The following MAP3K4 variants were observed in gnomAD, a reference collection of about 807,000 sequenced individuals.
MAP3K4 encodes the protein mitogen-activated protein kinase kinase kinase 4.
Under a neutral mutation model 185.6 loss-of-function variants are expected in MAP3K4, and 67 were observed. The ratio of observed to expected loss-of-function variants is 0.36; its 90% CI spans 0.30 to 0.44. The LOEUF is 0.44. Ranked by LOEUF, MAP3K4 falls within the 20% of genes least tolerant of loss-of-function variation. The pLI is 1.00. For missense variants in MAP3K4, 1,551 were observed against 1,995.1 expected, an observed-to-expected ratio of 0.78 and a Z score of 4.24; for synonymous variants, 702 against 710.4, an observed-to-expected ratio of 0.99 and a Z score of 0.19.
Position 161,112,101 on chromosome 6 carries a change from C to T in MAP3K4, c.4519+143C>T. Reference sequence around the variant, plus strand: ...TCGTGAGAAGGACCACTTCCTCACACACTTGGGCTCCCACGCAAGAGCAGC... The same window carrying T: ...TCGTGAGAAGGACCACTTCCTCACATACTTGGGCTCCCACGCAAGAGCAGC... On this transcript the variant is annotated intron_variant, in intron 24 of 26. Coordinates refer to ENST00000392142, the MANE Select transcript of MAP3K4 (RefSeq NM_005922.4). The surrounding 1 kb of genome is among the most constrained non-coding windows in gnomAD (Gnocchi z 5.1). The T allele has an allele frequency of 9.6e-7, 1 of 1,046,104 alleles. No individual in the cohort carries two copies. The highest frequency in any genetic ancestry group is 1.3e-6 in the Non-Finnish European group (1 of 742,224). 64.8% of individuals were successfully genotyped at this position (1,046,104 alleles called of 1,614,324 possible).
At chr6:161,066,047 T>C (rs1381191751) in intron 3 of MAP3K4, among the ~76,000 whole-genome samples, 3 of 152,190 alleles carry the variant, frequency 2.0e-5, no homozygotes, top group African/African-American at 7.2e-5. Context: ...TTTCAGATTT[T>C]GGGTTTTTGG....
rs973562902 is a variant in MAP3K4 at position 161,115,513 on chromosome 6, A to T, written c.4806+211A>T. ...TCCACTTGATCTGTTTTGATGGTGC[A>T]TTTAAGATACACCAGAGACAGTAAA... On this transcript the variant is annotated intron_variant, in intron 26 of 26. Transcript: ENST00000392142. This position sits in a 1 kb window ranked among gnomAD's most constrained non-coding sequence, Gnocchi z 6.0. 3.3e-5 allele frequency among the ~76,000 whole-genome samples: 5 copies of T among 152,202 alleles called. No homozygotes were observed. The highest frequency in any genetic ancestry group is 1.2e-4 in the African/African-American group (5 of 41,448).
Position 161,070,651 on chromosome 6 carries a change from A to G in MAP3K4, c.1751A>G (p.Gln584Arg), listed in dbSNP as rs1244633926. Residue 584 changes from glutamine (Q) to arginine (R), a missense_variant, in exon 4 of 27, where the codon CAG becomes CGG. Gln to Arg is a conservative substitution (Grantham distance 43, BLOSUM62 1). Coordinates refer to ENST00000392142, the MANE Select transcript of MAP3K4 (RefSeq NM_005922.4). The surrounding 1 kb of genome is among the most constrained non-coding windows in gnomAD (Gnocchi z 4.5). ...PDPMWGSDYV[Q>R]LSRTPPSSEE... ...CCCATGTGGGGTTCAGATTATGTGCAGTTGTCAAGGACACCACCTTCATCT... is the reference window on the plus strand; with the variant it reads ...CCCATGTGGGGTTCAGATTATGTGCGGTTGTCAAGGACACCACCTTCATCT... 3 of 1,613,962 alleles carry G rather than the reference A, an allele frequency of 1.9e-6. No homozygotes were observed.
chr6:160,998,776 C>T (rs1206327614), intron 1 of MAP3K4, among the ~76,000 whole-genome samples: 3 of 152,156 alleles, frequency 2.0e-5, no homozygotes, highest in African/African-American at 7.2e-5. Context: ...CCATTTTAAG[C>T]GGTGTACTTG....
Position 161,093,009 on chromosome 6 carries a change from G to A in MAP3K4, c.3301G>A (p.Ala1101Thr). 1 of 1,613,594 alleles carries A rather than the reference G, an allele frequency of 6.2e-7. No homozygotes were observed. The highest frequency in any genetic ancestry group is 8.5e-7 in the Non-Finnish European group (1 of 1,179,700). Residue 1101 changes from alanine to threonine, a missense_variant, in exon 14 of 27, where the codon GCA becomes ACA. Ala to Thr is a moderately conservative substitution (Grantham distance 58, BLOSUM62 0). This residue lies in a region of MAP3K4 where 272 missense variants were observed against 301.2 expected (regional missense o/e 0.90). Coordinates refer to ENST00000392142, the MANE Select transcript of MAP3K4 (RefSeq NM_005922.4). This position sits in a 1 kb window ranked among gnomAD's most constrained non-coding sequence, Gnocchi z 5.2. ...WATQGFDFLQAIEPAFISALP... is the reference protein window; with the variant it reads ...WATQGFDFLQTIEPAFISALP... Reference sequence around the variant, plus strand: ...GACTCAAGGATTTGATTTTCTACAAGCAATTGAACCTGCCTTTATTTCAGC... The same window carrying A: ...GACTCAAGGATTTGATTTTCTACAAACAATTGAACCTGCCTTTATTTCAGC...
rs947637673 is a variant in MAP3K4 at position 161,110,807 on chromosome 6, C to T, written c.4396+893C>T. 2.0e-5 allele frequency among the ~76,000 whole-genome samples: 3 copies of T among 152,218 alleles called. No individual in the cohort carries two copies. Among genetic ancestry groups the T allele is most frequent in the African/African-American group, 7.2e-5 (3 of 41,454 alleles). On this transcript the variant is annotated intron_variant, in intron 23 of 26. Coordinates refer to ENST00000392142, the MANE Select transcript of MAP3K4 (RefSeq NM_005922.4). This position sits in a 1 kb window ranked among gnomAD's most constrained non-coding sequence, Gnocchi z 4.8. ...GGCTGCCTGCCTGTCCGCTACCTTGCTTTGGTGTCTGGGGTCATCCTGATG... is the reference window on the plus strand; with the variant it reads ...GGCTGCCTGCCTGTCCGCTACCTTGTTTTGGTGTCTGGGGTCATCCTGATG...
Position 160,991,965 on chromosome 6 carries a change from C to G in MAP3K4, c.34C>G (p.Pro12Ala), listed in dbSNP as rs987696007. The change falls in exon 1 of 27, where the codon CCC (proline) becomes GCC (alanine). Residue 12 changes from proline (P) to alanine (A), a missense_variant. By Grantham distance (27) the Pro-to-Ala change is conservative. Transcript: ENST00000392142. The surrounding 1 kb of genome is among the most constrained non-coding windows in gnomAD (Gnocchi z 5.7). Reference protein sequence around the residue: ...REAAAALVPPPAFAVTPAAAM... With the variant: ...REAAAALVPPAAFAVTPAAAM... The stretch of plus-strand genomic sequence containing the variant: ...AGCCGCTGCCGCGCTGGTCCCTCCT[C>G]CCGCCTTTGCCGTCACGCCTGCCGC... 1.9e-6 allele frequency: 3 copies of G among 1,546,650 alleles called. No individual in the cohort carries two copies. The African/African-American group carries it at 4.2e-5, about 22-fold the overall frequency.
Position 161,111,861 on chromosome 6 carries a change from T to C in MAP3K4, c.4422T>C (p.Ser1474=), listed in dbSNP as rs779120618. ...IKGANIFLTS[S]GLIKLGDFGC... Reference sequence around the variant, plus strand: ...GTGCCAATATCTTCCTTACCTCATCTGGATTAATCAAACTGGGAGATTTTG... The same window carrying C: ...GTGCCAATATCTTCCTTACCTCATCCGGATTAATCAAACTGGGAGATTTTG... Residue 1474 remains serine (S), a synonymous_variant, in exon 24 of 27, where the codon TCT becomes TCC. Transcript: ENST00000392142. 1 of 1,613,682 alleles carries C rather than the reference T, an allele frequency of 6.2e-7. No homozygotes were observed. Among genetic ancestry groups the C allele is most frequent in the Non-Finnish European group, 8.5e-7 (1 of 1,179,814 alleles).
intron 5 of MAP3K4, among the ~76,000 whole-genome samples, chr6:161,079,462 A>G (rs1260089655): frequency 1.3e-5 from 2 of 152,010 alleles, no homozygotes; most frequent in African/African-American, 4.8e-5. Context: ...CTGTAATCCC[A>G]GCTACTCAGG....
In MAP3K4 at chr6:161,112,806, C is replaced by T. The variant is rs1274170897; in HGVS notation, c.4626+32C>T. 6.8e-7 allele frequency: 1 copy of T among 1,459,916 alleles called. No individual in the cohort carries two copies. Among genetic ancestry groups the T allele is most frequent in the Non-Finnish European group, 9.3e-7 (1 of 1,079,570 alleles). 90.4% of individuals were successfully genotyped at this position (1,459,916 alleles called of 1,614,324 possible). On this transcript the variant is annotated intron_variant, in intron 25 of 26. Transcript: ENST00000392142. The surrounding 1 kb of genome is among the most constrained non-coding windows in gnomAD (Gnocchi z 5.1). ...GGAGCCCCCACACCTGGCGGAGCAA[C>T]TTCAGAAGGGCACTGTGCATTAACA...
Position 161,049,168 on chromosome 6 carries a change from T to C in MAP3K4, c.896T>C (p.Leu299Pro). The part of the protein sequence containing the change: ...QAIPDIINEI[L>P]TFKVDYGSFA... Reference sequence around the variant, plus strand: ...ATCCCAGATATTATTAATGAAATCCTTACTTTCAAAGTCGACTATGGGAGC... The same window carrying C: ...ATCCCAGATATTATTAATGAAATCCCTACTTTCAAAGTCGACTATGGGAGC... The change falls in exon 3 of 27, where the codon CTT (leucine) becomes CCT (proline). Residue 299 changes from leucine to proline, a missense_variant. Coordinates refer to ENST00000392142, the MANE Select transcript of MAP3K4 (RefSeq NM_005922.4). This position sits in a 1 kb window ranked among gnomAD's most constrained non-coding sequence, Gnocchi z 8.4. 6.2e-7 allele frequency: 1 copy of C among 1,614,104 alleles called. No individual in the cohort carries two copies. Among genetic ancestry groups the C allele is most frequent in the Non-Finnish European group, 8.5e-7 (1 of 1,179,972 alleles).
At chr6:161,059,572 C>T (rs1289760014) in intron 3 of MAP3K4, among the ~76,000 whole-genome samples, 1 of 152,100 alleles carries the variant, frequency 6.6e-6, no homozygotes, top group East Asian at 1.9e-4. Flanking sequence ...TCTGTTGGAA[C>T]TATTTATGAA....
intron 3 of MAP3K4, among the ~76,000 whole-genome samples, chr6:161,055,433 A>C (rs1167866931): frequency 6.6e-6 from 1 of 152,210 alleles, no homozygotes. Context: ...TTGATAGAAA[A>C]TTTGCAAAGA....
rs1265660733 is a variant in MAP3K4 at position 161,114,420 on chromosome 6, C to G, written c.4627-703C>G. Among the ~76,000 whole-genome samples, 1 of 152,184 alleles carries G rather than the reference C, an allele frequency of 6.6e-6. No homozygotes were observed. Among genetic ancestry groups the G allele is most frequent in the African/African-American group, 2.4e-5 (1 of 41,448 alleles). ...TCAGTTAATTATAATGTAGCTATGC[C>G]TTGCAGCTGCTGAAACAGATCACAT... On this transcript the variant is annotated intron_variant, in intron 25 of 26. Coordinates refer to ENST00000392142, the MANE Select transcript of MAP3K4 (RefSeq NM_005922.4). The surrounding 1 kb of genome is among the most constrained non-coding windows in gnomAD (Gnocchi z 4.3).
At chr6:161,047,250 A>AG (rs2114756116) in intron 2 of MAP3K4, among the ~76,000 whole-genome samples, 1 of 144,604 alleles carries the variant, frequency 6.9e-6, no homozygotes, top group South Asian at 2.3e-4. Context: ...GGACCAGCTT[A>AG]GGAAACATAG....
chr6:161,033,760 C>G (rs1257131560), intron 1 of MAP3K4, among the ~76,000 whole-genome samples: 2 of 152,108 alleles, frequency 1.3e-5, no homozygotes, highest in African/African-American at 4.8e-5. Flanking sequence ...TGGATCATAG[C>G]AAAGTGCTCC....
chr6:161,048,538 C>A lies in MAP3K4; in HGVS notation c.344-78C>A. On this transcript the variant is annotated intron_variant, in intron 2 of 26. Transcript: ENST00000392142. This position sits in a 1 kb window ranked among gnomAD's most constrained non-coding sequence, Gnocchi z 4.7. ...CTGAAAATATAAATATGTGTGAATACCAGTTTTATTGAAAATATTGAGAGT... is the reference window on the plus strand; with the variant it reads ...CTGAAAATATAAATATGTGTGAATAACAGTTTTATTGAAAATATTGAGAGT... 2 of 899,242 alleles carry A rather than the reference C, an allele frequency of 2.2e-6. No individual in the cohort carries two copies. The highest frequency in any genetic ancestry group is 3.3e-6 in the Non-Finnish European group (2 of 608,912). 55.7% of individuals were successfully genotyped at this position (899,242 alleles called of 1,614,324 possible). A position where few individuals can be genotyped will look rare whatever the true frequency, so the allele number is the denominator to read the frequency against.
chr6:161,037,513 G>T lies in MAP3K4; in HGVS notation c.343+3064G>T, dbSNP rs1783225440. Among the ~76,000 whole-genome samples the T allele has an allele frequency of 6.6e-6, 1 of 152,050 alleles. No individual in the cohort carries two copies. The highest frequency in any genetic ancestry group is 2.4e-5 in the African/African-American group (1 of 41,398). On this transcript the variant is annotated intron_variant, in intron 2 of 26. Transcript: ENST00000392142. The surrounding 1 kb of genome is among the most constrained non-coding windows in gnomAD (Gnocchi z 4.2). ...AGCTCACTGCAACCTCCGCCTCCTG[G>T]GTTCAAGCAATTCTCCTGCCTCACC...
Position 161,027,179 on chromosome 6 carries a change from A to G in MAP3K4, c.153-7080A>G, listed in dbSNP as rs538576689. ...TGTTCACAGCATCATGAATGCGGAT[A>G]GCTAATAGTCTACTCTAGAATACAG... On this transcript the variant is annotated intron_variant, in intron 1 of 26. Coordinates refer to ENST00000392142, the MANE Select transcript of MAP3K4 (RefSeq NM_005922.4). Among the ~76,000 whole-genome samples, 61 of 152,366 alleles carry G rather than the reference A, an allele frequency of 4.0e-4. 1 individual carries two copies. Among genetic ancestry groups the G allele is most frequent in the Middle Eastern group, 3.4e-3 (1 of 294 alleles).
Sources: gnomAD v4.1 joint callset for allele counts (sites outside exome capture counted in the v4.1 genomes callset) on GRCh38, gnomAD v4.1.1 for gene constraint, gnomAD v4.1.1 regional missense constraint, Gnocchi (gnomAD v3.1) non-coding constraint, MANE v1.5 for transcripts, NCBI Gene and HGNC (gene_info 2026-07-23, HGNC 2026-07-21) for gene names.